Variants in BNC2 observed in about 807,000 individuals in gnomAD.
BNC2 encodes the protein basonuclin zinc finger protein 2.
BNC2 carries 20 observed loss-of-function variants against 76.3 expected under a neutral mutation model. The observed-to-expected ratio is 0.26, with a 90% CI of 0.18 to 0.38. The LOEUF (loss-of-function observed/expected upper bound fraction) is 0.38. Among genes scored for constraint, BNC2 ranks in the 10% least tolerant of loss-of-function variants. The pLI is 1.00. For missense variants in BNC2, 1,382 were observed against 1,399.8 expected, an observed-to-expected ratio of 0.99 and a Z score of 0.20; for synonymous variants, 582 against 514.8, an observed-to-expected ratio of 1.13 and a Z score of -1.77.
At chr9:16,628,208 G>A (rs1023259677) in intron 3 of BNC2, among the ~76,000 whole-genome samples, 15 of 152,140 alleles carry the variant, frequency 9.9e-5, no homozygotes, top group Non-Finnish European at 2.1e-4. Context: ...AGAACAAGCC[G>A]GCTCATCTGA....
At chr9:16,623,105 A>G (rs1476549822) in intron 3 of BNC2, among the ~76,000 whole-genome samples, 1 of 152,182 alleles carries the variant, frequency 6.6e-6, no homozygotes, top group Non-Finnish European at 1.5e-5. Context: ...TGATGGTGAA[A>G]CTAAGCCACA....
At chr9:16,758,669 C>T (rs1313581083) in intron 1 of BNC2, among the ~76,000 whole-genome samples, 3 of 152,164 alleles carry the variant, frequency 2.0e-5, no homozygotes, top group Non-Finnish European at 4.4e-5. Context: ...TTCACAAGTT[C>T]TTAAAAGTTG....
chr9:16,657,974 C>T lies in BNC2; in HGVS notation c.330+69823G>A, dbSNP rs181115370. On this transcript the variant is annotated intron_variant, in intron 3 of 6. Coordinates refer to ENST00000380672, the MANE Select transcript of BNC2 (RefSeq NM_017637.6). ...CTTATGTTTAATATATGTAATAATACACTTTTAAAGGAATCAACCCCCTAA... is the reference window on the plus strand; with the variant it reads ...CTTATGTTTAATATATGTAATAATATACTTTTAAAGGAATCAACCCCCTAA... Among the ~76,000 whole-genome samples the T allele has an allele frequency of 8.3e-4, 126 of 152,178 alleles. 1 individual carries two copies. The highest frequency in any genetic ancestry group is 4.6e-4 in the Non-Finnish European group (31 of 68,018).
chr9:16,496,162 G>C (rs1822385563), intron 5 of BNC2, among the ~76,000 whole-genome samples: 1 of 151,974 alleles, frequency 6.6e-6, no homozygotes, highest in South Asian at 2.1e-4. Context: ...GCCCGCCTCA[G>C]CCTCCCAAAG....
chr9:16,757,666 T>C (rs1399075986), intron 1 of BNC2, among the ~76,000 whole-genome samples: 4 of 152,062 alleles, frequency 2.6e-5, no homozygotes, highest in East Asian at 1.9e-4. Context: ...CCAACAATTA[T>C]TGACTGCCTA....
At chr9:16,646,299 C>G (rs1341159799) in intron 3 of BNC2, among the ~76,000 whole-genome samples, 1 of 152,166 alleles carries the variant, frequency 6.6e-6, no homozygotes, top group Non-Finnish European at 1.5e-5. Flanking sequence ...TGACAGTCAA[C>G]TATTTGTTAA....
intron 5 of BNC2, among the ~76,000 whole-genome samples, chr9:16,528,091 G>A (rs895440596): frequency 1.2e-4 from 18 of 152,202 alleles, no homozygotes; most frequent in African/African-American, 3.9e-4. Context: ...TTGAAGAGCT[G>A]TGGGGTTAGA....
At position 16,552,655 on chromosome 9, in the gene BNC2, C is replaced by A; in HGVS notation, c.544G>T (p.Val182Leu). 6.2e-7 allele frequency: 1 copy of A among 1,614,208 alleles called. No individual in the cohort carries two copies. Among genetic ancestry groups the A allele is most frequent in the Non-Finnish European group, 8.5e-7 (1 of 1,180,034 alleles). The change falls in exon 5 of 7, where the codon GTG becomes TTG. Residue 182 changes from valine (V) to leucine (L), a missense_variant. By Grantham distance (32) the Val-to-Leu change is conservative (BLOSUM62 1). This residue lies in a region of BNC2 where 557 missense variants were observed against 540.9 expected (regional missense o/e 1.03). Coordinates refer to ENST00000380672, the MANE Select transcript of BNC2 (RefSeq NM_017637.6). Reference sequence around the variant, plus strand: ...AGCAGGATCTTTAGCCGCACAGGCACTGCTTGTGTCCCATAGAGCATCAGG... The same window carrying A: ...AGCAGGATCTTTAGCCGCACAGGCAATGCTTGTGTCCCATAGAGCATCAGG... ...SSLMLYGTQA[V>L]PVRLKILLDR...
At chr9:16,517,940 C>A (rs1817488584) in intron 5 of BNC2, among the ~76,000 whole-genome samples, 1 of 152,034 alleles carries the variant, frequency 6.6e-6, no homozygotes, top group Non-Finnish European at 1.5e-5. Context: ...GCACAAATAT[C>A]TCATGCCAGG....
At chr9:16,819,046 T>C (rs1391964765) in intron 1 of BNC2, among the ~76,000 whole-genome samples, 2 of 152,066 alleles carry the variant, frequency 1.3e-5, no homozygotes, top group Non-Finnish European at 1.5e-5. Context: ...CAAAAATTAG[T>C]GAACAAAAGA....
At chr9:16,660,891 T>C (rs951294846) in intron 3 of BNC2, among the ~76,000 whole-genome samples, 3 of 152,212 alleles carry the variant, frequency 2.0e-5, no homozygotes, top group African/African-American at 7.2e-5. Context: ...TACGGGAGGA[T>C]GGACATAGAT....
At chr9:16,773,372 C>T (rs902193502) in intron 1 of BNC2, among the ~76,000 whole-genome samples, 1 of 152,112 alleles carries the variant, frequency 6.6e-6, no homozygotes, top group East Asian at 1.9e-4. Context: ...TTTCCCCTCT[C>T]TCTTTCAGTG....
At chr9:16,644,894 T>A (rs1438732485) in intron 3 of BNC2, among the ~76,000 whole-genome samples, 1 of 152,212 alleles carries the variant, frequency 6.6e-6, no homozygotes, top group Non-Finnish European at 1.5e-5. Context: ...TCTCTTTCAA[T>A]TCAAAGTTTG....
At chr9:16,738,520 C>G in intron 1 of BNC2, 35 bp from the exon 2 acceptor site, 1 of 1,610,550 alleles carries the variant, frequency 6.2e-7, no homozygotes, top group Non-Finnish European at 8.5e-7. Context: ...TTACATATGC[C>G]CAGACAGTAT....
chr9:16,776,852 G>A (rs1462795861), intron 1 of BNC2, among the ~76,000 whole-genome samples: 3 of 152,188 alleles, frequency 2.0e-5, no homozygotes, highest in Admixed American at 6.5e-5. Flanking sequence ...GCAGCCAGGC[G>A]TGGTGGCTCA....
At chr9:16,790,230 C>T (rs1442903819) in intron 1 of BNC2, among the ~76,000 whole-genome samples, 1 of 152,128 alleles carries the variant, frequency 6.6e-6, no homozygotes, top group Non-Finnish European at 1.5e-5. Context: ...ATCTACTGAC[C>T]TCGTGATCCG....
intron 3 of BNC2, among the ~76,000 whole-genome samples, chr9:16,713,259 A>G (rs1178557269): frequency 6.6e-6 from 1 of 152,170 alleles, no homozygotes; most frequent in African/African-American, 2.4e-5. Flanking sequence ...GGATACTTAC[A>G]TAGTCATAGA....
chr9:16,615,934 C>CTAAG (rs1036964006), intron 3 of BNC2, among the ~76,000 whole-genome samples: 1 of 152,152 alleles, frequency 6.6e-6, no homozygotes, highest in African/African-American at 2.4e-5. Flanking sequence ...AGGAACTTGA[C>CTAAG]TAAGGCCTCA....
chr9:16,506,395 T>C (rs1822624527), intron 5 of BNC2, among the ~76,000 whole-genome samples: 1 of 152,042 alleles, frequency 6.6e-6, no homozygotes, highest in South Asian at 2.1e-4. Flanking sequence ...TTAAGTGAAA[T>C]TATCTGCTGT....
Sources: gnomAD v4.1 joint callset for allele counts (sites outside exome capture counted in the v4.1 genomes callset) on GRCh38, gnomAD v4.1.1 for gene constraint, gnomAD v4.1.1 regional missense constraint, MANE v1.5 for transcripts, NCBI Gene and HGNC (gene_info 2026-07-23, HGNC 2026-07-21) for gene names.